The following TOP3A variants were observed in gnomAD, a reference collection of about 807,000 sequenced individuals.
The protein encoded by TOP3A is DNA topoisomerase 3-alpha.
In TOP3A, 64 loss-of-function variants were observed where a neutral mutation model predicts 111.3. The ratio of observed to expected loss-of-function variants is 0.57; its 90% CI spans 0.47 to 0.71. The LOEUF is 0.71. TOP3A is among the 30% of genes least tolerant of loss of function. The pLI is 0.00. For synonymous variants in TOP3A, 484 were observed against 485.1 expected (o/e 1.00, Z 0.03); for missense variants, 1,104 against 1,285.0 (o/e 0.86, Z 2.15).
At chr17:18,275,965 G>A (rs58261269) in intron 18 of TOP3A, among the ~76,000 whole-genome samples, 3 of 152,156 alleles carry the variant, frequency 2.0e-5, no homozygotes, top group African/African-American at 7.2e-5. Flanking sequence ...GGCTGAATCA[G>A]TTTTTATACA....
chr17:18,305,083 A>G (rs752012382), intron 5 of TOP3A, 29 bp downstream of exon 5: 1 of 1,583,376 alleles, frequency 6.3e-7, no homozygotes, highest in Non-Finnish European at 8.7e-7. Flanking sequence ...TCCAAAGTAG[A>G]GAAAGTCAGC....
chr17:18,282,766 C>T lies in TOP3A; in HGVS notation c.1953G>A (p.Met651Ile). The change falls in exon 16 of 19, where the codon ATG (methionine) becomes ATA (isoleucine). Residue 651 changes from methionine to isoleucine, a missense_variant. Coordinates refer to ENST00000321105, the MANE Select transcript of TOP3A (RefSeq NM_004618.5). ...LAQQEDIYPAMPEPIRKCPQC... is the reference protein window; with the variant it reads ...LAQQEDIYPAIPEPIRKCPQC... The stretch of plus-strand genomic sequence containing the variant: ...GTGGGCACTTCCTGATGGGCTCTGG[C>T]ATGGCTGGGTAGATATCTTCTTGCT... 6.2e-7 allele frequency: 1 copy of T among 1,614,228 alleles called. No homozygotes were observed. Among genetic ancestry groups the T allele is most frequent in the Non-Finnish European group, 8.5e-7 (1 of 1,180,056 alleles).
intron 13 of TOP3A, among the ~76,000 whole-genome samples, chr17:18,290,218 A>G (rs1353599715): frequency 2.0e-5 from 3 of 152,236 alleles, no homozygotes; most frequent in Admixed American, 1.3e-4. Flanking sequence ...GGTTCCTTAC[A>G]TGCTGTTCTT....
chr17:18,279,301 G>T (rs1033416961), intron 17 of TOP3A, among the ~76,000 whole-genome samples: 16 of 152,086 alleles, frequency 1.1e-4, no homozygotes, highest in African/African-American at 3.9e-4. Context: ...CTGTCGCCCA[G>T]GCTGGTGTGC....
At chr17:18,305,613 T>C (rs1001040975) in intron 4 of TOP3A, among the ~76,000 whole-genome samples, 18 of 151,500 alleles carry the variant, frequency 1.2e-4, no homozygotes, top group African/African-American at 4.4e-4. Context: ...CCGAGGTGGG[T>C]GGATCACGAG....
At chr17:18,298,528 C>A (rs1218222600) in intron 9 of TOP3A, among the ~76,000 whole-genome samples, 1 of 150,718 alleles carries the variant, frequency 6.6e-6, no homozygotes, top group South Asian at 2.1e-4. Context: ...CCCCTCTGCC[C>A]GGCCACCACC....
rs1253634770 is a variant in TOP3A, at chr17:18,280,620, G to A, written c.2060C>T (p.Ser687Leu). Reference protein sequence around the residue: ...LSCMGFPECRSAVWLPDSVLE... With the variant: ...LSCMGFPECRLAVWLPDSVLE... Reference sequence around the variant, plus strand: ...CACCGAGTCAGGAAGCCACACAGCTGAGCGACACTCTGGGAAACCCATGCA... The same window carrying A: ...CACCGAGTCAGGAAGCCACACAGCTAAGCGACACTCTGGGAAACCCATGCA... The change falls in exon 17 of 19, where the codon TCA becomes TTA. Residue 687 changes from serine to leucine, a missense_variant. By Grantham distance (145) the Ser-to-Leu change is moderately radical. Coordinates refer to ENST00000321105, the MANE Select transcript of TOP3A (RefSeq NM_004618.5). The A allele has an allele frequency of 1.2e-6, 2 of 1,614,126 alleles. No individual in the cohort carries two copies. The highest frequency in any genetic ancestry group is 1.3e-5 in the African/African-American group (1 of 75,058).
Position 18,302,277 on chromosome 17 carries a change from G to T in TOP3A, c.801C>A (p.Phe267Leu), listed in dbSNP as rs1981279453. Reference protein sequence around the residue: ...KAIQAFVPEIFHRIKVTHDHK... With the variant: ...KAIQAFVPEILHRIKVTHDHK... ...TCCAGGCCCTACCTTTAATTCTGTGGAAGATTTCTGGTACAAAAGCCTGAA... is the reference window on the plus strand; with the variant it reads ...TCCAGGCCCTACCTTTAATTCTGTGTAAGATTTCTGGTACAAAAGCCTGAA... Residue 267 changes from phenylalanine (F) to leucine (L), a missense_variant, in exon 7 of 19, where the codon TTC (phenylalanine) becomes TTA (leucine). Physicochemically the swap from Phe to Leu is conservative, Grantham distance 22 (BLOSUM62 0). Coordinates refer to ENST00000321105, the MANE Select transcript of TOP3A (RefSeq NM_004618.5). 1 of 1,610,070 alleles carries T rather than the reference G, an allele frequency of 6.2e-7. No individual in the cohort carries two copies. The highest frequency in any genetic ancestry group is 8.5e-7 in the Non-Finnish European group (1 of 1,178,962).
intron 16 of TOP3A, among the ~76,000 whole-genome samples, chr17:18,281,036 C>T (rs1462543019): frequency 1.3e-5 from 2 of 152,154 alleles, no homozygotes; most frequent in Non-Finnish European, 2.9e-5. Context: ...TGGAAACCTG[C>T]CCAGAGACAT....
intron 3 of TOP3A, 52 bp from the exon 4 acceptor site, chr17:18,307,018 T>G (rs556751016): frequency 3.0e-6 from 4 of 1,322,864 alleles, no homozygotes; most frequent in Admixed American, 1.8e-5. Flanking sequence ...CAGAGAGCCC[T>G]CCAATCTAAT....
In TOP3A at chr17:18,280,666, C is replaced by T. The variant is rs377403286; in HGVS notation, c.2022-8G>A. Reference sequence around the variant, plus strand: ...ATGCAGCTGAGGTAGAACCTGGGGACAAAGTGCCATGTCAGATGATAGGAG... The same window carrying T: ...ATGCAGCTGAGGTAGAACCTGGGGATAAAGTGCCATGTCAGATGATAGGAG... On this transcript the variant is annotated splice_polypyrimidine_tract_variant and splice_region_variant and intron_variant, in intron 16 of 18. Coordinates refer to ENST00000321105, the MANE Select transcript of TOP3A (RefSeq NM_004618.5). The T allele has an allele frequency of 4.0e-5, 64 of 1,613,702 alleles. 1 individual carries two copies. In the South Asian group the frequency reaches 5.2e-4, roughly 13 times the overall value.
At chr17:18,307,576 C>A (rs894140692) in intron 3 of TOP3A, 2 of 147,402 alleles carry the variant, frequency 1.4e-5, no homozygotes, top group Non-Finnish European at 3.0e-5. Context: ...CCAGCCTAGG[C>A]GACAGAATAA....
Position 18,278,094 on chromosome 17 carries a change from G to A in TOP3A, c.2408C>T (p.Thr803Met), listed in dbSNP as rs774009141. 4.3e-5 allele frequency: 70 copies of A among 1,614,128 alleles called. 1 individual carries two copies. The Middle Eastern group carries it at 6.6e-4, about 15-fold the overall frequency. ...CACAGAATTGCTTTCACCAGCAGCC[G>A]TGGGTGGTGGGAGGGTCTGGGCCAG... ...KALAQTLPPP[T>M]AAGESNSVTC... Residue 803 changes from threonine to methionine, a missense_variant, in exon 18 of 19, where the codon ACG becomes ATG. Thr to Met is a moderately conservative substitution (Grantham distance 81, BLOSUM62 -1). Coordinates refer to ENST00000321105, the MANE Select transcript of TOP3A (RefSeq NM_004618.5).
intron 18 of TOP3A, among the ~76,000 whole-genome samples, chr17:18,275,604 C>T (rs1329904378): frequency 2.6e-5 from 4 of 151,674 alleles, no homozygotes; most frequent in East Asian, 3.9e-4. Context: ...CCTTGTGATC[C>T]GCCCGCCTTG....
chr17:18,296,853 G>C (rs537573157), intron 9 of TOP3A, among the ~76,000 whole-genome samples: 65 of 152,178 alleles, frequency 4.3e-4, no homozygotes, highest in African/African-American at 1.5e-3. Context: ...GTTCTGTCAG[G>C]GTGGCTCTTT....
intron 13 of TOP3A, among the ~76,000 whole-genome samples, chr17:18,286,138 T>C (rs1030665323): frequency 6.7e-6 from 1 of 149,242 alleles, no homozygotes; most frequent in African/African-American, 2.5e-5. Flanking sequence ...AGACAGAGGC[T>C]GCAACGAGCT....
Position 18,272,114 on chromosome 17 carries a change from C to T in TOP3A, c.*2688G>A, listed in dbSNP as rs921298449. On this transcript the variant is annotated 3_prime_UTR_variant, in exon 19 of 19. Coordinates refer to ENST00000321105, the MANE Select transcript of TOP3A (RefSeq NM_004618.5). ...TAAAAAATGGGTGAAGAACTTAAAT[C>T]GACATTCTCCAAAGAATGTATACCA... 4.6e-5 allele frequency among the ~76,000 whole-genome samples: 7 copies of T among 152,060 alleles called. No individual in the cohort carries two copies. Among genetic ancestry groups the T allele is most frequent in the Admixed American group, 3.3e-4 (5 of 15,252 alleles).
At chr17:18,287,949 G>A (rs534781698) in intron 13 of TOP3A, among the ~76,000 whole-genome samples, 1 of 151,176 alleles carries the variant, frequency 6.6e-6, no homozygotes, top group South Asian at 2.1e-4. Flanking sequence ...AGTGAGCAGA[G>A]ATTGTGCCAC....
Position 18,305,221 on chromosome 17 carries a change from C to T in TOP3A, c.391-1G>A. On this transcript the variant is annotated splice_acceptor_variant, in intron 4 of 18. Transcript: ENST00000321105. LOFTEE classifies it high-confidence loss of function. ...GGCGAGTCTCTCGTTCCAAAGTTTT[C>T]TTAAGTTCGCAGTGGAATAAGAGTG... 1 of 1,613,426 alleles carries T rather than the reference C, an allele frequency of 6.2e-7. No individual in the cohort carries two copies. Among genetic ancestry groups the T allele is most frequent in the Non-Finnish European group, 8.5e-7 (1 of 1,179,430 alleles).
Sources: allele counts gnomAD v4.1 joint callset (sites outside exome capture counted in the v4.1 genomes callset), GRCh38; gene constraint gnomAD v4.1.1; transcripts MANE v1.5; gene names NCBI Gene and HGNC (gene_info 2026-07-23, HGNC 2026-07-21).